The following DGKB variants were observed in gnomAD, a reference collection of about 807,000 sequenced individuals.
The protein encoded by DGKB is 90 kDa diacylglycerol kinase.
Under a neutral mutation model 114.3 loss-of-function variants are expected in DGKB, and 67 were observed. That is an observed-to-expected ratio of 0.59 (90% CI 0.48 to 0.72). DGKB has a LOEUF of 0.72. Among genes scored for constraint, DGKB ranks in the 30% least tolerant of loss-of-function variants. DGKB has a pLI of 0.00. For missense variants in DGKB, 907 were observed against 975.2 expected, an observed-to-expected ratio of 0.93 and a Z score of 0.93; for synonymous variants, 398 against 323.1, an observed-to-expected ratio of 1.23 and a Z score of -2.49.
chr7:14,567,081 A>T (rs28451478), intron 20 of DGKB, among the ~76,000 whole-genome samples: 36 of 124,894 alleles, frequency 2.9e-4, no homozygotes, highest in Admixed American at 4.4e-4. Context: ...TATATATATA[A>T]AAAATTATCC....
intron 1 of DGKB, among the ~76,000 whole-genome samples, chr7:14,869,535 G>GA (rs1852163091): frequency 1.3e-5 from 2 of 151,836 alleles, no homozygotes; most frequent in African/African-American, 2.4e-5. Flanking sequence ...GCTCATTCTT[G>GA]AAAAAATAAA....
intron 23 of DGKB, among the ~76,000 whole-genome samples, chr7:14,294,858 A>G (rs1490175034): frequency 6.6e-6 from 1 of 152,184 alleles, no homozygotes; most frequent in Non-Finnish European, 1.5e-5. Flanking sequence ...ACCATTTAAA[A>G]TACAGACTAC....
chr7:14,961,932 A>G (rs1786867715), intron 1 of DGKB, among the ~76,000 whole-genome samples: 1 of 152,162 alleles, frequency 6.6e-6, no homozygotes, highest in Admixed American at 6.6e-5. Context: ...CTAGTAACAC[A>G]GCCCAAAGTA....
chr7:14,151,045 T>C (rs1370183036), intron 25 of DGKB, among the ~76,000 whole-genome samples: 2 of 152,034 alleles, frequency 1.3e-5, no homozygotes, highest in African/African-American at 2.4e-5. Context: ...AAAGGCACTA[T>C]TTTTGAACAT....
rs139146583 is a variant in DGKB at position 14,434,765 on chromosome 7, C to A, written c.1835+43396G>T. Among the ~76,000 whole-genome samples, 724 of 152,098 alleles carry A rather than the reference C, an allele frequency of 4.8e-3. 7 individuals are homozygous for A. Among genetic ancestry groups the A allele is most frequent in the Non-Finnish European group, 6.1e-3 (412 of 67,986 alleles). ...CATAACTCATGGAAAAGTTATCAAC[C>A]AGTAGGCCGTGTCTAGCGACCAAAG... On this transcript the variant is annotated intron_variant, in intron 21 of 25. Transcript: ENST00000402815.
chr7:14,237,471 C>A (rs558123386), intron 23 of DGKB, among the ~76,000 whole-genome samples: 3 of 151,558 alleles, frequency 2.0e-5, no homozygotes, highest in Non-Finnish European at 4.4e-5. Context: ...GTTCAATCCA[C>A]TAACGTCCTT....
intron 20 of DGKB, among the ~76,000 whole-genome samples, chr7:14,559,977 C>T (rs78650450): frequency 0.042 from 6,276 of 150,498 alleles, 387 homozygotes; most frequent in East Asian, 0.32. Context: ...CCCTCCCTTC[C>T]TTTTTGCCTT....
In DGKB at chr7:14,610,546, AC is replaced by A. The variant is rs924946084; in HGVS notation, c.1358+2793del. Among the ~76,000 whole-genome samples the A allele has an allele frequency of 3.3e-5, 5 of 152,194 alleles. No individual in the cohort carries two copies. In the East Asian group the frequency reaches 9.7e-4, roughly 29 times the overall value. On this transcript the variant is annotated intron_variant, in intron 16 of 25. Transcript: ENST00000402815. Reference sequence around the variant, plus strand: ...TTTTAAAGTTAAGGGATATATTTAAACCTAAATTGGTTTTATATACATGTGA... The same window carrying A: ...TTTTAAAGTTAAGGGATATATTTAAACTAAATTGGTTTTATATACATGTGA...
At chr7:14,415,723 A>G (rs1583768508) in intron 21 of DGKB, among the ~76,000 whole-genome samples, 1 of 152,274 alleles carries the variant, frequency 6.6e-6, no homozygotes, top group Admixed American at 6.5e-5. Flanking sequence ...TGGTGCTGCA[A>G]TAAACCTACA....
intron 4 of DGKB, among the ~76,000 whole-genome samples, chr7:14,747,961 G>A (rs1199255318): frequency 6.6e-6 from 1 of 152,126 alleles, no homozygotes; most frequent in East Asian, 1.9e-4. Flanking sequence ...ATTTCTATAT[G>A]CCTTTCATTA....
intron 23 of DGKB, among the ~76,000 whole-genome samples, chr7:14,193,391 T>G (rs934964388): frequency 9.2e-5 from 14 of 151,978 alleles, no homozygotes; most frequent in Non-Finnish European, 1.9e-4. Context: ...AGAAATACAT[T>G]CAACACCTAC....
chr7:14,476,867 G>C (rs1049725565), intron 21 of DGKB, among the ~76,000 whole-genome samples: 2 of 150,316 alleles, frequency 1.3e-5, no homozygotes, highest in African/African-American at 2.5e-5. Flanking sequence ...CGATTCTCCT[G>C]CCTCAGCCTC....
intron 20 of DGKB, among the ~76,000 whole-genome samples, chr7:14,497,878 A>G (rs547827310): frequency 5.9e-5 from 9 of 151,992 alleles, no homozygotes; most frequent in African/African-American, 1.7e-4. Flanking sequence ...TGAATATTGA[A>G]AAAAATTCCT....
At chr7:14,149,989 C>G (rs1424638263) in intron 25 of DGKB, among the ~76,000 whole-genome samples, 1 of 152,012 alleles carries the variant, frequency 6.6e-6, no homozygotes, top group Non-Finnish European at 1.5e-5. Context: ...TAATTCGACT[C>G]TAAATTAGAG....
At chr7:14,773,940 A>G (rs1837785569) in intron 2 of DGKB, among the ~76,000 whole-genome samples, 1 of 152,156 alleles carries the variant, frequency 6.6e-6, no homozygotes, top group African/African-American at 2.4e-5. Context: ...GCTCCTACAC[A>G]ATAAGCTCAT....
chr7:14,951,878 A>G (rs1287031305), intron 1 of DGKB, among the ~76,000 whole-genome samples: 1 of 152,088 alleles, frequency 6.6e-6, no homozygotes, highest in Non-Finnish European at 1.5e-5. Context: ...TGTTCCCTGA[A>G]AACCATAAAA....
At chr7:14,905,714 T>A (rs897877089), upstream of DGKB, among the ~76,000 whole-genome samples, 2 of 152,200 alleles carry the variant, frequency 1.3e-5, no homozygotes, top group African/African-American at 2.4e-5. Flanking sequence ...CCCAAAAGTT[T>A]GCAAACTGTA....
chr7:14,505,011 T>A, intron 20 of DGKB, among the ~76,000 whole-genome samples: 1 of 152,202 alleles, frequency 6.6e-6, no homozygotes, highest in East Asian at 1.9e-4. Flanking sequence ...AAGTGAAGAA[T>A]AAGCCTTCAT....
chr7:14,846,605 C>A (rs1324257411), intron 1 of DGKB, among the ~76,000 whole-genome samples: 1 of 152,178 alleles, frequency 6.6e-6, no homozygotes, highest in African/African-American at 2.4e-5. Flanking sequence ...GGTGCATTCA[C>A]AAGTTTCCTG....
Sources: gnomAD v4.1 joint callset for allele counts (sites outside exome capture counted in the v4.1 genomes callset) on GRCh38, gnomAD v4.1.1 for gene constraint, MANE v1.5 for transcripts, NCBI Gene and HGNC (gene_info 2026-07-23, HGNC 2026-07-21) for gene names.